The following FGF13 variants were observed in gnomAD, a reference collection of about 807,000 sequenced individuals.
FGF13 encodes fibroblast growth factor homologous factor 2.
A neutral mutation model predicts 19.5 loss-of-function variants in FGF13; 2 were observed. That is an observed-to-expected ratio of 0.10 (90% confidence interval 0.04 to 0.32). FGF13 has a LOEUF of 0.32. Among genes scored for constraint, FGF13 ranks in the 10% least tolerant of loss-of-function variants. FGF13 has a pLI of 1.00. For missense variants in FGF13, 113 were observed against 192.7 expected (o/e 0.59, Z 2.45); for synonymous variants, 72 against 76.9 (o/e 0.94, Z 0.33).
At position 138,857,681 on chromosome X, in the gene FGF13, T is replaced by G. The variant is rs1450482725; in HGVS notation, c.-38-2A>C. 19 of 1,174,362 alleles carry G rather than the reference T, an allele frequency of 1.6e-5. No homozygotes were observed. The highest frequency in any genetic ancestry group is 2.2e-5 in the Non-Finnish European group (19 of 877,180). ...TGCCAGGGGGGGCGTCATCCAGAAC[T>G]GTGGTCACCACATAACAAAATGAAC... On this transcript the variant is annotated splice_acceptor_variant, in intron 2 of 2. Transcript: ENST00000421460. LOFTEE classifies it low-confidence loss of function (5UTR_SPLICE).
chrX:139,072,899 T>G (rs1028778809), intron 1 of FGF13, among the ~76,000 whole-genome samples: 2 of 112,045 alleles, frequency 1.8e-5, no homozygotes, highest in African/African-American at 6.5e-5. Flanking sequence ...GAACCTCTTT[T>G]GTATCTTTTT....
At chrX:138,797,997 G>A (rs779134591) in intron 3 of FGF13, among the ~76,000 whole-genome samples, 25 of 111,727 alleles carry the variant, frequency 2.2e-4, no homozygotes, top group African/African-American at 2.3e-4. Flanking sequence ...ATACAATCAC[G>A]TCGTCTGCAA....
intron 1 of FGF13, among the ~76,000 whole-genome samples, chrX:139,039,206 G>T (rs1229855691): frequency 8.9e-6 from 1 of 112,044 alleles, no homozygotes; most frequent in African/African-American, 3.2e-5. Context: ...CCACAAAGTG[G>T]CATTCATTAT....
rs988982359 is a variant in FGF13 at position 139,028,616 on chromosome X, T to A, written c.-112-163966A>T. Among the ~76,000 whole-genome samples the A allele has an allele frequency of 6.3e-3, 467 of 74,310 alleles. 4 individuals are homozygous for A. The highest frequency in any genetic ancestry group is 0.023 in the African/African-American group (413 of 18,165). The allele number at this position is 74,310 out of a possible 115,157, so 64.5% of individuals were successfully genotyped here. On this transcript the variant is annotated intron_variant, in intron 1 of 2. Coordinates refer to the FGF13 transcript ENST00000421460. ...GTGTGTGTGTGTGTGTGTGTGTGTGTGAGAGAGAGAGAGAGAGAGTGTGTG... is the reference window on the plus strand; with the variant it reads ...GTGTGTGTGTGTGTGTGTGTGTGTGAGAGAGAGAGAGAGAGAGAGTGTGTG...
chrX:138,973,367 T>C (rs2091926813), intron 1 of FGF13, among the ~76,000 whole-genome samples: 1 of 112,482 alleles, frequency 8.9e-6, no homozygotes, highest in Non-Finnish European at 1.9e-5. Flanking sequence ...ATATAGTTAA[T>C]ATGATTTTGG....
At chrX:138,648,608 T>C (rs1452927403) in intron 3 of FGF13, among the ~76,000 whole-genome samples, 1 of 111,722 alleles carries the variant, frequency 9.0e-6, no homozygotes, top group Non-Finnish European at 1.9e-5. Flanking sequence ...CTAAATCTCT[T>C]TCTTATGTTC....
At chrX:139,104,133 C>T (rs1286570738) in intron 1 of FGF13, among the ~76,000 whole-genome samples, 1 of 111,198 alleles carries the variant, frequency 9.0e-6, no homozygotes, top group Non-Finnish European at 1.9e-5. Context: ...ATGCCTGACA[C>T]ATAGGAGATC....
chrX:139,204,155 G>C (rs767459570), upstream of FGF13: 1 of 1,145,359 alleles, frequency 8.7e-7, no homozygotes, highest in East Asian at 3.0e-5. Flanking sequence ...GGAAGTCCTC[G>C]CCGAGCGGGT....
At chrX:138,813,270 C>G (rs925392133) in intron 3 of FGF13, among the ~76,000 whole-genome samples, 1 of 111,527 alleles carries the variant, frequency 9.0e-6, no homozygotes, top group African/African-American at 3.3e-5. Context: ...ATGCTGATAA[C>G]TTTTCATAAT....
chrX:138,744,272 A>T (rs748535051), upstream of FGF13, among the ~76,000 whole-genome samples: 1 of 111,307 alleles, frequency 9.0e-6, no homozygotes, highest in African/African-American at 3.3e-5. Flanking sequence ...CATGAACTAT[A>T]CTAACCCACA....
intron 1 of FGF13, among the ~76,000 whole-genome samples, chrX:139,177,954 C>T (rs1341085507): frequency 5.4e-5 from 6 of 111,987 alleles, no homozygotes; most frequent in African/African-American, 1.9e-4. Flanking sequence ...AGCACAGTCC[C>T]TCATGGGGAG....
At chrX:138,996,456 G>A (rs1414073203) in intron 1 of FGF13, among the ~76,000 whole-genome samples, 1 of 113,138 alleles carries the variant, frequency 8.8e-6, no homozygotes, top group Non-Finnish European at 1.9e-5. Context: ...CTCGCTGCTA[G>A]CGCAGCAGTC....
chrX:138,808,437 A>C (rs1417309464), intron 3 of FGF13, among the ~76,000 whole-genome samples: 2 of 112,073 alleles, frequency 1.8e-5, no homozygotes, highest in Non-Finnish European at 3.8e-5. Flanking sequence ...GACACATTTA[A>C]AGCAGTGTGC....
Position 138,632,873 on chromosome X carries a change from T to C in FGF13, c.715A>G (p.Met239Val). The C allele has an allele frequency of 8.3e-7, 1 of 1,209,969 alleles. No homozygotes were observed. Among genetic ancestry groups the C allele is most frequent in the Non-Finnish European group, 1.1e-6 (1 of 894,506 alleles). The change falls in exon 5 of 5, where the codon ATG becomes GTG. Residue 239 changes from methionine (M) to valine (V), a missense_variant. Physicochemically the swap from Met to Val is conservative, Grantham distance 21. Coordinates refer to ENST00000315930, the MANE Select transcript of FGF13 (RefSeq NM_004114.5). The part of the protein sequence containing the change: ...VSGVLNGGKS[M>V]SHNEST ...GGCTACGTTGATTCATTGTGGCTCATGGATTTGCCTCCGTTCAGCACGCCA... is the reference window on the plus strand; with the variant it reads ...GGCTACGTTGATTCATTGTGGCTCACGGATTTGCCTCCGTTCAGCACGCCA...
intron 2 of FGF13, among the ~76,000 whole-genome samples, chrX:138,703,925 G>C (rs942036352): frequency 2.7e-4 from 30 of 110,961 alleles, no homozygotes; most frequent in Non-Finnish European, 5.1e-4. Flanking sequence ...TGTTGGTCAG[G>C]CTGGTCTCGA....
At chrX:139,038,199 A>G (rs1323219124) in intron 1 of FGF13, among the ~76,000 whole-genome samples, 5 of 111,135 alleles carry the variant, frequency 4.5e-5, no homozygotes, top group South Asian at 3.8e-4. Flanking sequence ...TCCTAGTTTC[A>G]TCAACACACA....
chrX:138,721,835 CAT>C (rs1028392703), intron 1 of FGF13, among the ~76,000 whole-genome samples: 2 of 109,678 alleles, frequency 1.8e-5, no homozygotes, highest in South Asian at 7.6e-4. Context: ...ATATTAAATA[CAT>C]ATATATATTT....
intron 1 of FGF13, among the ~76,000 whole-genome samples, chrX:138,899,264 A>G (rs1340126009): frequency 9.0e-6 from 1 of 111,440 alleles, no homozygotes; most frequent in Admixed American, 9.6e-5. Flanking sequence ...TAAGGTTGAT[A>G]TGCATGAGTA....
chrX:138,660,083 T>A (rs1053867482), intron 3 of FGF13, among the ~76,000 whole-genome samples: 2 of 112,115 alleles, frequency 1.8e-5, no homozygotes, highest in Non-Finnish European at 3.8e-5. Flanking sequence ...ATATTTTTTT[T>A]TAAAAATGAA....
Sources: gnomAD v4.1 joint callset for allele counts (sites outside exome capture counted in the v4.1 genomes callset) on GRCh38, gnomAD v4.1.1 for gene constraint, MANE v1.5 for transcripts, NCBI Gene and HGNC (gene_info 2026-07-23, HGNC 2026-07-21) for gene names.